COX10: variants seen among roughly 807,000 people sequenced by gnomAD.
The protein encoded by COX10 is protoheme IX farnesyltransferase, mitochondrial.
Under a neutral mutation model 37.3 loss-of-function variants are expected in COX10, and 27 were observed. The observed-to-expected ratio is 0.72, with a 90% confidence interval of 0.53 to 1.00. The LOEUF (loss-of-function observed/expected upper bound fraction) is 1.00, where lower values mean the gene tolerates loss of function less well. Ranked by LOEUF, COX10 falls within the 50% of genes least tolerant of loss-of-function variation. COX10 has a pLI of 0.00. For missense variants in COX10, 475 were observed against 563.2 expected (o/e 0.84, Z 1.59); for synonymous variants, 222 against 229.1 (o/e 0.97, Z 0.28).
chr17:14,192,654 C>A (rs1458281909), intron 6 of COX10, among the ~76,000 whole-genome samples: 1 of 152,128 alleles, frequency 6.6e-6, no homozygotes, highest in Non-Finnish European at 1.5e-5. Context: ...TATGAAAGGG[C>A]AGATTATTTT....
At chr17:14,164,918 T>C (rs1905244295) in intron 5 of COX10, among the ~76,000 whole-genome samples, 1 of 152,134 alleles carries the variant, frequency 6.6e-6, no homozygotes, top group Non-Finnish European at 1.5e-5. Context: ...CGTAGCATGA[T>C]TGTAATATGG....
At chr17:14,107,434 A>G (rs910622361) in intron 4 of COX10, among the ~76,000 whole-genome samples, 2 of 144,634 alleles carry the variant, frequency 1.4e-5, no homozygotes, top group Non-Finnish European at 2.9e-5. Flanking sequence ...TGGTCTTGCT[A>G]TTCATAGCCC....
rs979348798 is a variant in COX10 at position 14,207,336 on chromosome 17, A to G, written c.*123A>G. On this transcript the variant is annotated 3_prime_UTR_variant, in exon 7 of 7. Coordinates refer to ENST00000261643, the MANE Select transcript of COX10 (RefSeq NM_001303.4). ...AAGATTATAAACGAATTCGGTGCTC[A>G]GTGATCACTTGACAGTTTTTTTTTT... 2.3e-6 allele frequency: 3 copies of G among 1,281,974 alleles called. No homozygotes were observed. Among genetic ancestry groups the G allele is most frequent in the Non-Finnish European group, 3.1e-6 (3 of 968,606 alleles). The allele number at this position is 1,281,974 out of a possible 1,614,324, so 79.4% of individuals were successfully genotyped here.
intron 5 of COX10, 107 bp from the exon 6 acceptor site, chr17:14,191,882 C>A: frequency 8.6e-7 from 1 of 1,160,792 alleles, no homozygotes; most frequent in Non-Finnish European, 1.3e-6. Flanking sequence ...ATCAGTACTG[C>A]CTCTACTGGA....
chr17:14,121,014 C>G (rs1286747149), intron 4 of COX10, among the ~76,000 whole-genome samples: 1 of 152,190 alleles, frequency 6.6e-6, no homozygotes, highest in Non-Finnish European at 1.5e-5. Context: ...CTTCTGTAAC[C>G]TGGGTGAATG....
At chr17:14,086,205 G>A (rs999185312) in intron 3 of COX10, among the ~76,000 whole-genome samples, 1 of 151,888 alleles carries the variant, frequency 6.6e-6, no homozygotes, top group African/African-American at 2.4e-5. Flanking sequence ...TGAGTTTCTG[G>A]TTTTTATACT....
At chr17:14,121,906 A>G (rs571529391) in intron 4 of COX10, among the ~76,000 whole-genome samples, 1 of 152,202 alleles carries the variant, frequency 6.6e-6, no homozygotes, top group South Asian at 2.1e-4. Context: ...GAGCCCAGAG[A>G]GGGAAGCTGG....
At chr17:14,070,707 C>A (rs774106886) in intron 1 of COX10, among the ~76,000 whole-genome samples, 4 of 152,260 alleles carry the variant, frequency 2.6e-5, no homozygotes, top group Admixed American at 6.5e-5. Context: ...TCTGCACCAT[C>A]TGGTGATGTT....
In COX10 at chr17:14,158,019, C is replaced by G. The variant is rs1211453857; in HGVS notation, c.625-1858C>G. 2.6e-5 allele frequency among the ~76,000 whole-genome samples: 4 copies of G among 151,850 alleles called. No homozygotes were observed. In the South Asian group the frequency reaches 6.2e-4, roughly 24 times the overall value. ...GGTCTATGAATCACAGGTACCTGAC[C>G]ATTGGTTAAATGAGCTGTAACTGGA... On this transcript the variant is annotated intron_variant, in intron 4 of 6. Coordinates refer to ENST00000261643, the MANE Select transcript of COX10 (RefSeq NM_001303.4).
chr17:14,148,942 A>T (rs1298893534), intron 4 of COX10, among the ~76,000 whole-genome samples: 1 of 146,194 alleles, frequency 6.8e-6, no homozygotes, highest in African/African-American at 2.5e-5. Flanking sequence ...AGGTAATTAT[A>T]TATACTATAT....
intron 4 of COX10, among the ~76,000 whole-genome samples, chr17:14,113,399 G>T (rs1916047254): frequency 1.3e-5 from 2 of 151,936 alleles, no homozygotes; most frequent in Admixed American, 6.6e-5. Context: ...CCCAATTCTT[G>T]TCTTTGAAGT....
At chr17:14,156,232 GA>G (rs1335925772) in intron 4 of COX10, among the ~76,000 whole-genome samples, 8 of 151,838 alleles carry the variant, frequency 5.3e-5, no homozygotes, top group Non-Finnish European at 7.4e-5. Context: ...TGGTAAATCT[GA>G]ATTTTTTTTT....
chr17:14,153,829 A>G (rs1904970656), intron 4 of COX10, among the ~76,000 whole-genome samples: 1 of 152,236 alleles, frequency 6.6e-6, no homozygotes, highest in Non-Finnish European at 1.5e-5. Flanking sequence ...GTTAAAAACT[A>G]TTAGAAATAT....
chr17:14,201,551 C>T (rs557349067), intron 6 of COX10, among the ~76,000 whole-genome samples: 18 of 152,268 alleles, frequency 1.2e-4, no homozygotes, highest in African/African-American at 2.9e-4. Flanking sequence ...CAAAATACTT[C>T]GGTTGACACA....
intron 6 of COX10, among the ~76,000 whole-genome samples, chr17:14,202,641 A>G (rs756830766): frequency 2.6e-5 from 4 of 152,138 alleles, no homozygotes; most frequent in Non-Finnish European, 4.4e-5. Context: ...AACTTAAAAT[A>G]GTCAAAAGTA....
At chr17:14,103,069 A>G (rs140101079) in intron 4 of COX10, among the ~76,000 whole-genome samples, 25 of 152,270 alleles carry the variant, frequency 1.6e-4, no homozygotes, top group South Asian at 4.1e-4. Context: ...ATTGTCAGCT[A>G]TTTGGAGAAG....
Position 14,076,825 on chromosome 17 carries a change from G to A in COX10, c.268G>A (p.Gly90Ser). Residue 90 changes from glycine (G) to serine (S), a missense_variant, in exon 3 of 7, where the codon GGT becomes AGT. This residue lies in a region of COX10 where 242 missense variants were observed against 242.5 expected (regional missense o/e 1.00). Coordinates refer to ENST00000261643, the MANE Select transcript of COX10 (RefSeq NM_001303.4). The part of the protein sequence containing the change: ...ASPFLEKTSS[G>S]QAKAEIYEMR... ...TCCTTTCCTTGAAAAAACATCTTCAGGTCAAGCCAAAGCAGAAATATATGA... is the reference window on the plus strand; with the variant it reads ...TCCTTTCCTTGAAAAAACATCTTCAAGTCAAGCCAAAGCAGAAATATATGA... 1 of 1,614,126 alleles carries A rather than the reference G, an allele frequency of 6.2e-7. No individual in the cohort carries two copies. Among genetic ancestry groups the A allele is most frequent in the South Asian group, 1.1e-5 (1 of 91,070 alleles).
intron 4 of COX10, among the ~76,000 whole-genome samples, chr17:14,137,747 A>G (rs192607567): frequency 6.6e-6 from 1 of 152,176 alleles, no homozygotes; most frequent in East Asian, 1.9e-4. Flanking sequence ...TGGTAGAAAA[A>G]TAAATAGTAT....
At chr17:14,175,094 G>GGA (rs1221946140) in intron 5 of COX10, among the ~76,000 whole-genome samples, 1 of 84,446 alleles carries the variant, frequency 1.2e-5, no homozygotes, top group African/African-American at 3.7e-5. Flanking sequence ...GGGGGGGGGG[G>GGA]GGGTGGATAG....
Sources: gnomAD v4.1 joint callset for allele counts (sites outside exome capture counted in the v4.1 genomes callset) on GRCh38, gnomAD v4.1.1 for gene constraint, gnomAD v4.1.1 regional missense constraint, MANE v1.5 for transcripts, NCBI Gene and HGNC (gene_info 2026-07-23, HGNC 2026-07-21) for gene names.